TLN2: variants seen among roughly 807,000 people sequenced by gnomAD.
The protein encoded by TLN2 is talin 2.
TLN2 carries 118 observed loss-of-function variants against 294.7 expected under a neutral mutation model. The ratio of observed to expected loss-of-function variants is 0.40; its 90% CI spans 0.34 to 0.47. TLN2 has a LOEUF of 0.47. Ranked by LOEUF, TLN2 falls within the 20% of genes least tolerant of loss-of-function variation. TLN2 has a pLI of 0.84. For missense variants in TLN2, 3,083 were observed against 3,282.2 expected, an observed-to-expected ratio of 0.94 and a Z score of 1.48; for synonymous variants, 1,431 against 1,304.5, an observed-to-expected ratio of 1.10 and a Z score of -2.09.
chr15:62,400,334 G>A (rs2032928900), intron 1 of TLN2, among the ~76,000 whole-genome samples: 1 of 152,216 alleles, frequency 6.6e-6, no homozygotes, highest in Non-Finnish European at 1.5e-5. Context: ...ATTAATACAG[G>A]TGAAAGTTAG....
intron 3 of TLN2, among the ~76,000 whole-genome samples, chr15:62,622,846 G>C (rs1411140523): frequency 1.3e-5 from 2 of 152,164 alleles, no homozygotes; most frequent in African/African-American, 4.8e-5. Flanking sequence ...ATGGAGTTTG[G>C]GTTTCTCTTG....
chr15:62,403,192 C>G (rs1041843088), intron 1 of TLN2, among the ~76,000 whole-genome samples: 1 of 148,928 alleles, frequency 6.7e-6, no homozygotes, highest in African/African-American at 2.5e-5. Context: ...GAGCCGAGAT[C>G]GTGTGACAAA....
At chr15:62,524,890 T>C (rs1159885259) in intron 1 of TLN2, among the ~76,000 whole-genome samples, 1 of 152,186 alleles carries the variant, frequency 6.6e-6, no homozygotes, top group Non-Finnish European at 1.5e-5. Context: ...GATTTTGAAG[T>C]TGGAAACGAT....
chr15:62,813,782 G>C (rs1451034331), intron 52 of TLN2, among the ~76,000 whole-genome samples: 1 of 151,528 alleles, frequency 6.6e-6, no homozygotes, highest in African/African-American at 2.4e-5. Context: ...TAGTTCTAGT[G>C]CTGGCAGTTG....
intron 32 of TLN2, among the ~76,000 whole-genome samples, chr15:62,744,955 C>G (rs2061537544): frequency 6.6e-6 from 1 of 152,232 alleles, no homozygotes; most frequent in African/African-American, 2.4e-5. Flanking sequence ...TCCCTGGAGG[C>G]AGGCAGACAG....
intron 1 of TLN2, among the ~76,000 whole-genome samples, chr15:62,530,544 A>G (rs1318735690): frequency 6.6e-6 from 1 of 151,676 alleles, no homozygotes; most frequent in Non-Finnish European, 1.5e-5. Context: ...TTTAGTAGAG[A>G]CAGGGTTTCA....
At chr15:62,679,948 C>G (rs906133298) in intron 11 of TLN2, among the ~76,000 whole-genome samples, 3 of 152,174 alleles carry the variant, frequency 2.0e-5, no homozygotes, top group African/African-American at 7.2e-5. Flanking sequence ...CTTCCTCCAT[C>G]GAGTTACTTT....
chr15:62,817,883 A>C (rs560245366), intron 52 of TLN2, among the ~76,000 whole-genome samples: 1 of 145,474 alleles, frequency 6.9e-6, no homozygotes, highest in Admixed American at 7.1e-5. Context: ...CAATGGTGCA[A>C]TCTTGGCTCA....
intron 1 of TLN2, among the ~76,000 whole-genome samples, chr15:62,510,292 G>A (rs1026117724): frequency 6.6e-6 from 1 of 152,208 alleles, no homozygotes; most frequent in Admixed American, 6.5e-5. Flanking sequence ...TGGCTCTTGA[G>A]TGGTGAACCA....
intron 1 of TLN2, among the ~76,000 whole-genome samples, chr15:62,490,611 A>G (rs1486121879): frequency 6.6e-6 from 1 of 152,182 alleles, no homozygotes; most frequent in Non-Finnish European, 1.5e-5. Flanking sequence ...ACACCTTGGT[A>G]TTAGCAGGAG....
In TLN2 at chr15:62,800,758, C is replaced by A; in HGVS notation, c.6466C>A (p.Gln2156Lys). The change falls in exon 50 of 59, where the codon CAG (glutamine) becomes AAG (lysine). Residue 2156 changes from glutamine to lysine, a missense_variant. Transcript: ENST00000636159. ...ALEATIECIK[Q>K]ELTVFQSKDV... ...TGAGGCCACAATTGAATGCATAAAG[C>A]AGGAGCTTACGGTAAGGAGCCAGCA... 1 of 1,611,518 alleles carries A rather than the reference C, an allele frequency of 6.2e-7. No homozygotes were observed. The highest frequency in any genetic ancestry group is 8.5e-7 in the Non-Finnish European group (1 of 1,178,854).
At chr15:62,638,748 A>C in intron 3 of TLN2, 1 of 404,348 alleles carries the variant, frequency 2.5e-6, no homozygotes, top group Non-Finnish European at 4.9e-6. Context: ...GCATTAAATA[A>C]ATATGTATTG....
chr15:62,425,990 T>C (rs2034684515), intron 1 of TLN2, among the ~76,000 whole-genome samples: 1 of 152,238 alleles, frequency 6.6e-6, no homozygotes, highest in Admixed American at 6.5e-5. Context: ...CCCCTTGACC[T>C]GTTAACTGCT....
chr15:62,532,666 C>T (rs1567065421), intron 1 of TLN2, among the ~76,000 whole-genome samples: 1 of 152,110 alleles, frequency 6.6e-6, no homozygotes, highest in Non-Finnish European at 1.5e-5. Context: ...GATTTAGCAA[C>T]AAAACCATGC....
chr15:62,840,614 T>G lies in TLN2; in HGVS notation c.*4T>G, dbSNP rs2070559271. ...GCTGAGGGAAGATGAGGGCTAAAGGTGCGAGCCCAGATGGCGAGCCCCAGG... is the reference window on the plus strand; with the variant it reads ...GCTGAGGGAAGATGAGGGCTAAAGGGGCGAGCCCAGATGGCGAGCCCCAGG... On this transcript the variant is annotated 3_prime_UTR_variant, in exon 59 of 59. Coordinates refer to ENST00000636159, the MANE Select transcript of TLN2 (RefSeq NM_015059.3). The G allele has an allele frequency of 5.0e-6, 8 of 1,612,734 alleles. No homozygotes were observed. In the Admixed American group the frequency reaches 1.0e-4, roughly 20 times the overall value.
intron 1 of TLN2, among the ~76,000 whole-genome samples, chr15:62,493,079 G>A (rs181305735): frequency 4.4e-4 from 67 of 152,288 alleles, no homozygotes; most frequent in Non-Finnish European, 3.8e-4. Context: ...GGGGTGCTTG[G>A]TCGGATGTTC....
chr15:62,688,782 C>G (rs2057514631), intron 12 of TLN2, among the ~76,000 whole-genome samples: 1 of 152,036 alleles, frequency 6.6e-6, no homozygotes, highest in African/African-American at 2.4e-5. Context: ...TTGTTTTTCT[C>G]TGAAGTCTAC....
intron 1 of TLN2, among the ~76,000 whole-genome samples, chr15:62,472,055 G>C (rs2037506526): frequency 6.6e-6 from 1 of 152,154 alleles, no homozygotes; most frequent in African/African-American, 2.4e-5. Context: ...GTCAGACTTA[G>C]ATGCTCACCT....
At chr15:62,699,364 A>C (rs533096674) in intron 16 of TLN2, among the ~76,000 whole-genome samples, 1 of 151,754 alleles carries the variant, frequency 6.6e-6, no homozygotes, top group African/African-American at 2.4e-5. Context: ...GTTAAAATGA[A>C]TGTTGCTGGA....
Sources: gnomAD v4.1 joint callset for allele counts (sites outside exome capture counted in the v4.1 genomes callset) on GRCh38, gnomAD v4.1.1 for gene constraint, MANE v1.5 for transcripts, NCBI Gene and HGNC (gene_info 2026-07-23, HGNC 2026-07-21) for gene names.